The following DNAH9 variants were observed in gnomAD, a reference collection of about 807,000 sequenced individuals.
DNAH9 encodes the protein DNAH9 variant protein.
A neutral mutation model predicts 471.6 loss-of-function variants in DNAH9; 345 were observed. The observed-to-expected ratio is 0.73, with a 90% CI of 0.67 to 0.80. DNAH9 has a LOEUF of 0.80. Ranked by LOEUF, DNAH9 falls within the 30% of genes least tolerant of loss-of-function variation. The pLI, the probability that DNAH9 is intolerant of heterozygous loss-of-function variation, is 0.00. For missense variants in DNAH9, 5,407 were observed against 5,609.2 expected (o/e 0.96, Z 1.15); for synonymous variants, 2,093 against 2,123.6 (o/e 0.99, Z 0.40).
rs1242912255 is a variant in DNAH9 at position 11,644,712 on chromosome 17, T to G, written c.1970+13T>G. 5 of 1,596,686 alleles carry G rather than the reference T, an allele frequency of 3.1e-6. No individual in the cohort carries two copies. The Admixed American group carries it at 8.4e-5, about 27-fold the overall frequency. On this transcript the variant is annotated intron_variant, in intron 11 of 68. Coordinates refer to ENST00000262442, the MANE Select transcript of DNAH9 (RefSeq NM_001372.4). ...CATTGCTAGAAAAGTAAGCAACTTC[T>G]GGCATTGCGTGGGTCTGCAGATTGC...
At chr17:11,851,461 G>A (rs1246316386) in intron 49 of DNAH9, among the ~76,000 whole-genome samples, 1 of 152,146 alleles carries the variant, frequency 6.6e-6, no homozygotes, top group Non-Finnish European at 1.5e-5. Context: ...CCATGCAAAT[G>A]TCTTAGGAGG....
intron 35 of DNAH9, among the ~76,000 whole-genome samples, chr17:11,761,119 C>T (rs1967646806): frequency 6.6e-6 from 1 of 152,212 alleles, no homozygotes; most frequent in African/African-American, 2.4e-5. Flanking sequence ...TCTCCTGACC[C>T]TGCATGAGAT....
At chr17:11,769,021 CG>C (rs1968087135) in intron 37 of DNAH9, 100 bp from the exon 38 acceptor site, 1 of 1,230,900 alleles carries the variant, frequency 8.1e-7, no homozygotes, top group Non-Finnish European at 1.2e-6. Context: ...GGAGCTCCAT[CG>C]TGACGGAATC....
In DNAH9 at chr17:11,690,219, A is replaced by T; in HGVS notation, c.4397A>T (p.Glu1466Val). 6.2e-7 allele frequency: 1 copy of T among 1,614,192 alleles called. No individual in the cohort carries two copies. The highest frequency in any genetic ancestry group is 1.1e-5 in the South Asian group (1 of 91,088). Residue 1466 changes from glutamate (E) to valine (V), a missense_variant, in exon 20 of 69, where the codon GAG (glutamate) becomes GTG (valine). Physicochemically the swap from Glu to Val is moderately radical, Grantham distance 121. Around this residue, in one of 3 missense-constraint regions of DNAH9, gnomAD observed 4,636 missense variants for 4,900.3 expected, o/e 0.95. Transcript: ENST00000262442. The stretch of plus-strand genomic sequence containing the variant: ...AATGTCCCCCTCCTGTGCTCTGATG[A>T]GGACCTCATAGAGGTTCTGGAGGAT... The part of the protein sequence containing the change: ...RTNVPLLCSD[E>V]DLIEVLEDNQ...
intron 49 of DNAH9, among the ~76,000 whole-genome samples, chr17:11,843,863 G>GTGTGTATATATATATATATATATA (rs1253794533): frequency 6.5e-5 from 3 of 46,464 alleles, no homozygotes; most frequent in Non-Finnish European, 8.2e-5. Context: ...GTGTGTGTGT[G>GTGTGTATATATATATATATATATA]TATATATATA....
chr17:11,775,882 G>A (rs1190114018), intron 38 of DNAH9, among the ~76,000 whole-genome samples: 15 of 152,086 alleles, frequency 9.9e-5, no homozygotes, highest in Admixed American at 9.2e-4. Flanking sequence ...GTGAGCCACC[G>A]CGCCGGGCCA....
At chr17:11,891,220 G>T (rs1400968857) in intron 57 of DNAH9, among the ~76,000 whole-genome samples, 4 of 152,128 alleles carry the variant, frequency 2.6e-5, no homozygotes, top group African/African-American at 9.7e-5. Flanking sequence ...CTGCTTGCAA[G>T]GACTCGTCTT....
Position 11,797,570 on chromosome 17 carries a change from G to A in DNAH9, c.8224-27G>A, listed in dbSNP as rs374490233. ...CCAGCCCCAGAAGTCAATAATGAGGGCCCTTATTCCTGTGTCTCATCACCA... is the reference window on the plus strand; with the variant it reads ...CCAGCCCCAGAAGTCAATAATGAGGACCCTTATTCCTGTGTCTCATCACCA... On this transcript the variant is annotated intron_variant, in intron 42 of 68. Coordinates refer to ENST00000262442, the MANE Select transcript of DNAH9 (RefSeq NM_001372.4). 7.2e-5 allele frequency: 113 copies of A among 1,575,520 alleles called. No individual in the cohort carries two copies. The African/African-American group carries it at 1.2e-3, about 17-fold the overall frequency.
At chr17:11,873,028 C>CA (rs1256087856) in intron 52 of DNAH9, among the ~76,000 whole-genome samples, 1 of 152,206 alleles carries the variant, frequency 6.6e-6, no homozygotes, top group Non-Finnish European at 1.5e-5. Context: ...AACCTTAGAA[C>CA]AAAAACTCTT....
At chr17:11,794,968 A>G (rs56132255) in intron 42 of DNAH9, among the ~76,000 whole-genome samples, 47 of 151,810 alleles carry the variant, frequency 3.1e-4, no homozygotes, top group Admixed American at 1.6e-3. Flanking sequence ...AGATATAACT[A>G]ATGTAAATGA....
chr17:11,919,262 G>A (rs557618951), intron 61 of DNAH9, among the ~76,000 whole-genome samples: 80 of 152,086 alleles, frequency 5.3e-4, no homozygotes, highest in Non-Finnish European at 9.0e-4. Context: ...TTAGGAGGCC[G>A]AGGCGAGCAG....
chr17:11,822,498 G>A lies in DNAH9; in HGVS notation c.8911G>A (p.Ala2971Thr). The A allele has an allele frequency of 6.2e-7, 1 of 1,614,166 alleles. No homozygotes were observed. Among genetic ancestry groups the A allele is most frequent in the South Asian group, 1.1e-5 (1 of 91,082 alleles). ...KLRVRSRKFP[A>T]IVNCTAIHWF... ...AAGAGTCCGCAGCAGGAAGTTCCCA[G>A]CCATTGTGAACTGCACAGCCATCCA... is the stretch of plus-strand genomic sequence containing the variant. The change falls in exon 47 of 69, where the codon GCC becomes ACC. Residue 2971 changes from alanine to threonine, a missense_variant. Coordinates refer to ENST00000262442, the MANE Select transcript of DNAH9 (RefSeq NM_001372.4).
At chr17:11,768,418 A>G in intron 36 of DNAH9, 35 bp from the exon 37 acceptor site, 1 of 1,600,932 alleles carries the variant, frequency 6.2e-7, no homozygotes, top group Non-Finnish European at 8.5e-7. Context: ...TGAGTTCTGG[A>G]GGACCTTGTC....
chr17:11,813,519 T>C lies in DNAH9; in HGVS notation c.8707+3150T>C, dbSNP rs1383535986. On this transcript the variant is annotated intron_variant, in intron 45 of 68. Coordinates refer to ENST00000262442, the MANE Select transcript of DNAH9 (RefSeq NM_001372.4). ...GCAATGACTCCACCCTTGGATAACA[T>C]AGTAGGGACTAGGAAACCATAACTT... Among the ~76,000 whole-genome samples the C allele has an allele frequency of 2.0e-5, 3 of 152,182 alleles. No individual in the cohort carries two copies. In the East Asian group the frequency reaches 5.8e-4, roughly 29 times the overall value.
chr17:11,749,896 A>G (rs1018495562), intron 32 of DNAH9, among the ~76,000 whole-genome samples: 4 of 152,142 alleles, frequency 2.6e-5, no homozygotes, highest in African/African-American at 9.7e-5. Context: ...AACATATTTT[A>G]ATATCCAATG....
intron 67 of DNAH9, among the ~76,000 whole-genome samples, chr17:11,961,247 G>A (rs554045720): frequency 4.6e-5 from 7 of 152,192 alleles, no homozygotes; most frequent in East Asian, 3.9e-4. Flanking sequence ...CCTGGGAGGC[G>A]GAGGTTGCAG....
At position 11,679,749 on chromosome 17, in the gene DNAH9, T is replaced by A. The variant is rs751462860; in HGVS notation, c.3354-8T>A. On this transcript the variant is annotated splice_region_variant and splice_polypyrimidine_tract_variant and intron_variant, in intron 17 of 68. Coordinates refer to ENST00000262442, the MANE Select transcript of DNAH9 (RefSeq NM_001372.4). Reference sequence around the variant, plus strand: ...AATGGTTCCTCATGTTCTGTTTGTGTTGATTAGCTTGGCCAACCTGGATGC... The same window carrying A: ...AATGGTTCCTCATGTTCTGTTTGTGATGATTAGCTTGGCCAACCTGGATGC... 6.3e-7 allele frequency: 1 copy of A among 1,598,056 alleles called. No individual in the cohort carries two copies. The highest frequency in any genetic ancestry group is 8.6e-7 in the Non-Finnish European group (1 of 1,165,386).
Position 11,694,331 on chromosome 17 carries a change from T to C in DNAH9, c.4756T>C (p.Cys1586Arg). 1.2e-6 allele frequency: 2 copies of C among 1,613,998 alleles called. No individual in the cohort carries two copies. Among genetic ancestry groups the C allele is most frequent in the Non-Finnish European group, 1.7e-6 (2 of 1,179,992 alleles). Reference sequence around the variant, plus strand: ...GTTCTGTGCCCTCAGATTGTGCCTGTGTGAGAAGGCCCTGGCAGAGTACCT... The same window carrying C: ...GTTCTGTGCCCTCAGATTGTGCCTGCGTGAGAAGGCCCTGGCAGAGTACCT... Reference protein sequence around the residue: ...LEDIQGRLCLCEKALAEYLDT... With the variant: ...LEDIQGRLCLREKALAEYLDT... Residue 1586 changes from cysteine to arginine, a missense_variant, in exon 22 of 69, where the codon TGT becomes CGT. Cys to Arg is a radical substitution (Grantham distance 180). This residue lies in a region of DNAH9 where 4,636 missense variants were observed against 4,900.3 expected (regional missense o/e 0.95). Transcript: ENST00000262442.
intron 56 of DNAH9, chr17:11,884,453 A>T (rs1972819478): frequency 2.6e-6 from 1 of 385,244 alleles, no homozygotes; most frequent in Admixed American, 2.8e-5. Flanking sequence ...GGCATTGGAG[A>T]TATTGGCCCT....
Sources: allele counts gnomAD v4.1 joint callset (sites outside exome capture counted in the v4.1 genomes callset), GRCh38; gene constraint gnomAD v4.1.1; regional missense constraint gnomAD v4.1.1; transcripts MANE v1.5; gene names NCBI Gene and HGNC (gene_info 2026-07-23, HGNC 2026-07-21).